PRDM16: variants seen among roughly 807,000 people sequenced by gnomAD.
PRDM16 encodes PR/SET domain 16.
PRDM16 carries 23 observed loss-of-function variants against 110.6 expected under a neutral mutation model. The ratio of observed to expected loss-of-function variants is 0.21; its 90% CI spans 0.15 to 0.29. The LOEUF (loss-of-function observed/expected upper bound fraction) is 0.29, where lower values mean the gene tolerates loss of function less well. Ranked by LOEUF, PRDM16 falls within the 10% of genes least tolerant of loss-of-function variation. The probability of loss-of-function intolerance (pLI) is 1.00; values close to 1 mark genes in which losing one functional copy is unlikely to be tolerated. For synonymous variants in PRDM16, 799 were observed against 781.8 expected, an observed-to-expected ratio of 1.02 and a Z score of -0.37; for missense variants, 1,615 against 1,794.3, an observed-to-expected ratio of 0.90 and a Z score of 1.81.
intron 9 of PRDM16, 26 bp downstream of exon 9, chr1:3,412,826 C>T (rs1239518465): frequency 8.4e-6 from 12 of 1,430,718 alleles, no homozygotes; most frequent in South Asian, 3.0e-5. Context: ...GCCTCACTGG[C>T]TCTCCCTGGG....
chr1:3,162,884 G>T, intron 1 of PRDM16, among the ~76,000 whole-genome samples: 1 of 147,114 alleles, frequency 6.8e-6, no homozygotes, highest in South Asian at 2.1e-4. Flanking sequence ...TGGGAGAGGG[G>T]ATGTGCGCAG....
At chr1:3,429,997 G>A (rs762899915) in intron 14 of PRDM16, among the ~76,000 whole-genome samples, 10 of 152,226 alleles carry the variant, frequency 6.6e-5, no homozygotes, top group Non-Finnish European at 5.9e-5. Flanking sequence ...TGAGGACAAG[G>A]AAGAGTGGCC....
chr1:3,423,214 C>T (rs1408975524), intron 12 of PRDM16, among the ~76,000 whole-genome samples: 1 of 152,114 alleles, frequency 6.6e-6, no homozygotes, highest in Non-Finnish European at 1.5e-5. Context: ...CTCTAGGGGA[C>T]CCATTTTCAG....
At chr1:3,125,409 AC>A (rs1000214482) in intron 1 of PRDM16, among the ~76,000 whole-genome samples, 2 of 152,030 alleles carry the variant, frequency 1.3e-5, no homozygotes, top group Non-Finnish European at 2.9e-5. Flanking sequence ...GTCTCCTCTG[AC>A]CCCCCAGAGT....
intron 1 of PRDM16, among the ~76,000 whole-genome samples, chr1:3,178,300 A>T (rs1644112541): frequency 6.6e-6 from 1 of 152,156 alleles, no homozygotes; most frequent in Admixed American, 6.5e-5. Context: ...CGTCTCGAAC[A>T]CAGTCCTTCT....
intron 8 of PRDM16, among the ~76,000 whole-genome samples, chr1:3,410,165 G>A (rs1643660618): frequency 6.6e-6 from 1 of 151,992 alleles, no homozygotes; most frequent in Admixed American, 6.6e-5. Flanking sequence ...TGTGCTGTGT[G>A]TGTGCATGTG....
At chr1:3,388,532 G>C (rs55792473) in intron 4 of PRDM16, among the ~76,000 whole-genome samples, 16,365 of 152,240 alleles carry the variant, frequency 0.11, 957 homozygotes, top group Non-Finnish European at 0.14. Flanking sequence ...AAGGAGACTA[G>C]GGCAGAAGAC....
intron 1 of PRDM16, among the ~76,000 whole-genome samples, chr1:3,156,331 A>G (rs1643858921): frequency 6.6e-6 from 1 of 152,014 alleles, no homozygotes; most frequent in Non-Finnish European, 1.5e-5. Flanking sequence ...ACTTTGGGGG[A>G]AATGATTCTT....
chr1:3,084,969 C>T (rs1017606213), intron 1 of PRDM16, among the ~76,000 whole-genome samples: 1 of 152,160 alleles, frequency 6.6e-6, no homozygotes, highest in Admixed American at 6.5e-5. Flanking sequence ...GTGTTGCAGG[C>T]GGGCGGGTGC....
intron 2 of PRDM16, among the ~76,000 whole-genome samples, chr1:3,204,495 C>G (rs1196318365): frequency 6.6e-6 from 1 of 152,258 alleles, no homozygotes; most frequent in Non-Finnish European, 1.5e-5. Flanking sequence ...GCAGAGGCCA[C>G]CAGGGAAGTC....
chr1:3,070,442 C>CAGCCCCGCCGA (rs1553195720), intron 1 of PRDM16, among the ~76,000 whole-genome samples: 1 of 148,432 alleles, frequency 6.7e-6, no homozygotes, highest in African/African-American at 2.4e-5. Context: ...GCGGCTCCCG[C>CAGCCCCGCCGA]AGCCCCGCCG....
At chr1:3,180,775 G>T (rs1422401084) in intron 1 of PRDM16, among the ~76,000 whole-genome samples, 1 of 152,206 alleles carries the variant, frequency 6.6e-6, no homozygotes, top group Non-Finnish European at 1.5e-5. Context: ...CCCAGAGGCC[G>T]CATAGAGGCT....
chr1:3,152,847 C>T (rs1051780079), intron 1 of PRDM16, among the ~76,000 whole-genome samples: 4 of 152,212 alleles, frequency 2.6e-5, no homozygotes, highest in African/African-American at 2.4e-5. Context: ...GGGTTTTGTC[C>T]AGAGGCTTGG....
intron 3 of PRDM16, among the ~76,000 whole-genome samples, chr1:3,330,373 C>T (rs377369660): frequency 6.6e-5 from 10 of 152,342 alleles, no homozygotes; most frequent in African/African-American, 2.2e-4. Context: ...CTTGGCAAGG[C>T]GTCCGCTCAA....
Position 3,116,644 on chromosome 1 carries a change from G to C in PRDM16, c.37+47348G>C, listed in dbSNP as rs191374925. 5.0e-4 allele frequency among the ~76,000 whole-genome samples: 76 copies of C among 152,288 alleles called. No individual in the cohort carries two copies. The East Asian group carries it at 0.012, about 24-fold the overall frequency. On this transcript the variant is annotated intron_variant, in intron 1 of 16. Transcript: ENST00000270722. Reference sequence around the variant, plus strand: ...CAGCTCCGGCTCTGATGGCAGACACGGTGTGGCCTGTCACTGCGGGTCTAT... The same window carrying C: ...CAGCTCCGGCTCTGATGGCAGACACCGTGTGGCCTGTCACTGCGGGTCTAT...
chr1:3,121,640 G>A (rs2100663141), intron 1 of PRDM16, among the ~76,000 whole-genome samples: 1 of 152,378 alleles, frequency 6.6e-6, no homozygotes, highest in Admixed American at 6.5e-5. Context: ...AGAAACAGAT[G>A]TGAGGCTGTG....
chr1:3,284,039 G>A (rs941453784), intron 3 of PRDM16, among the ~76,000 whole-genome samples: 3 of 152,164 alleles, frequency 2.0e-5, no homozygotes, highest in African/African-American at 7.2e-5. Flanking sequence ...CTAGGGTAGC[G>A]GGCCTGGGGG....
intron 1 of PRDM16, among the ~76,000 whole-genome samples, chr1:3,124,000 G>A (rs1221087891): frequency 6.6e-6 from 1 of 152,216 alleles, no homozygotes; most frequent in Non-Finnish European, 1.5e-5. Flanking sequence ...CGTCCGAGTC[G>A]TCTCCTTCTC....
chr1:3,281,645 G>A (rs1489874798), intron 3 of PRDM16, among the ~76,000 whole-genome samples: 2 of 152,084 alleles, frequency 1.3e-5, no homozygotes, highest in African/African-American at 2.4e-5. Context: ...GATGTTCTGT[G>A]ATCAGGTTCA....
Sources: allele counts gnomAD v4.1 joint callset (sites outside exome capture counted in the v4.1 genomes callset), GRCh38; gene constraint gnomAD v4.1.1; transcripts MANE v1.5; gene names NCBI Gene and HGNC (gene_info 2026-07-23, HGNC 2026-07-21).